Variants in SOBP observed in about 807,000 individuals in gnomAD.
The protein encoded by SOBP is sine oculis-binding protein homolog.
SOBP carries 4 observed loss-of-function variants against 53.6 expected under a neutral mutation model. That is an observed-to-expected ratio of 0.07 (90% CI 0.04 to 0.17). The LOEUF is 0.17. Among genes scored for constraint, SOBP ranks in the 10% least tolerant of loss-of-function variants. The probability of loss-of-function intolerance (pLI) is 1.00; values close to 1 mark genes in which losing one functional copy is unlikely to be tolerated. For missense variants in SOBP, 1,088 were observed against 1,204.7 expected (o/e 0.90, Z 1.43); for synonymous variants, 584 against 522.6 (o/e 1.12, Z -1.60).
intron 5 of SOBP, among the ~76,000 whole-genome samples, chr6:107,616,091 G>C (rs1469855024): frequency 1.3e-4 from 16 of 126,580 alleles, no homozygotes; most frequent in African/African-American, 4.8e-4. Context: ...GGGTGGGGGG[G>C]GGGCGGGGGG....
At chr6:107,502,132 T>C (rs1223994915) in intron 1 of SOBP, among the ~76,000 whole-genome samples, 3 of 152,194 alleles carry the variant, frequency 2.0e-5, no homozygotes, top group Admixed American at 6.5e-5. Context: ...GTAATGTCTT[T>C]TATTTTTTAT....
chr6:107,494,450 A>G lies in SOBP; in HGVS notation c.96+3738A>G, dbSNP rs555170717. Among the ~76,000 whole-genome samples the G allele has an allele frequency of 3.3e-5, 5 of 152,342 alleles. 1 individual carries two copies. In the East Asian group the frequency reaches 9.6e-4, roughly 29 times the overall value. ...TAAATATTGTTGCCCTTAAGGATAT[A>G]TATTTTGTGCACATAGATCTTTTGT... is the stretch of plus-strand genomic sequence containing the variant. On this transcript the variant is annotated intron_variant, in intron 1 of 6. Coordinates refer to ENST00000317357, the MANE Select transcript of SOBP (RefSeq NM_018013.4).
At chr6:107,551,993 C>T (rs891337073) in intron 4 of SOBP, among the ~76,000 whole-genome samples, 1 of 152,152 alleles carries the variant, frequency 6.6e-6, no homozygotes. Flanking sequence ...TGCACTCCAG[C>T]CTGGGCATCA....
intron 4 of SOBP, among the ~76,000 whole-genome samples, chr6:107,577,083 G>C (rs1331476663): frequency 6.6e-6 from 1 of 152,196 alleles, no homozygotes; most frequent in Non-Finnish European, 1.5e-5. Flanking sequence ...AGCAGTGAGA[G>C]ATGTGCACTG....
intron 5 of SOBP, among the ~76,000 whole-genome samples, chr6:107,597,537 A>G (rs1299379822): frequency 6.6e-6 from 1 of 152,222 alleles, no homozygotes. Flanking sequence ...GCATTACTGA[A>G]GTATTTATGA....
chr6:107,548,809 A>C (rs1017614750), intron 4 of SOBP, among the ~76,000 whole-genome samples: 3 of 152,100 alleles, frequency 2.0e-5, no homozygotes, highest in Non-Finnish European at 4.4e-5. Flanking sequence ...GTGATGGTGA[A>C]CACCTGTAGT....
chr6:107,535,884 C>A (rs1242344720), intron 4 of SOBP, among the ~76,000 whole-genome samples: 1 of 152,106 alleles, frequency 6.6e-6, no homozygotes, highest in Non-Finnish European at 1.5e-5. Context: ...TAATAAGCCC[C>A]TGGGTGTTCC....
At chr6:107,560,966 T>C (rs1784756805) in intron 4 of SOBP, among the ~76,000 whole-genome samples, 1 of 152,212 alleles carries the variant, frequency 6.6e-6, no homozygotes, top group Non-Finnish European at 1.5e-5. Flanking sequence ...TTGTCAATAA[T>C]ATACTCGCTT....
chr6:107,619,346 T>C (rs1010857253), intron 5 of SOBP, among the ~76,000 whole-genome samples: 1 of 152,248 alleles, frequency 6.6e-6, no homozygotes, highest in Non-Finnish European at 1.5e-5. Flanking sequence ...AGTTCTGTTT[T>C]TGAAAAGCTG....
Position 107,660,003 on chromosome 6 carries a change from A to G in SOBP, c.*1800A>G, listed in dbSNP as rs1164845399. ...TAAAAAATAATAACAAATCAACCCC[A>G]GCACCAAACCCACCCAGGCAGGAAG... On this transcript the variant is annotated 3_prime_UTR_variant, in exon 7 of 7. Coordinates refer to ENST00000317357, the MANE Select transcript of SOBP (RefSeq NM_018013.4). The G allele has an allele frequency of 1.3e-5, 2 of 152,574 alleles. No individual in the cohort carries two copies. Among genetic ancestry groups the G allele is most frequent in the Non-Finnish European group, 2.9e-5 (2 of 68,034 alleles). 9.5% of individuals were successfully genotyped at this position (152,574 alleles called of 1,614,324 possible).
chr6:107,531,993 A>G (rs1035512951), intron 3 of SOBP, among the ~76,000 whole-genome samples: 6 of 152,092 alleles, frequency 3.9e-5, no homozygotes, highest in Non-Finnish European at 7.4e-5. Context: ...CCTCAAACCA[A>G]ATCTTTTCCC....
chr6:107,609,375 AG>A (rs1221830529), intron 5 of SOBP, among the ~76,000 whole-genome samples: 1 of 152,148 alleles, frequency 6.6e-6, no homozygotes, highest in African/African-American at 2.4e-5. Context: ...AGGCTGTCAA[AG>A]GAGATAGGAT....
intron 5 of SOBP, among the ~76,000 whole-genome samples, chr6:107,623,638 T>C (rs1174296416): frequency 6.6e-6 from 1 of 152,182 alleles, no homozygotes; most frequent in Non-Finnish European, 1.5e-5. Flanking sequence ...CTTTGCTCTG[T>C]AAAAAATACA....
intron 5 of SOBP, among the ~76,000 whole-genome samples, chr6:107,601,360 G>T (rs1418890546): frequency 2.0e-5 from 3 of 152,282 alleles, no homozygotes; most frequent in East Asian, 3.9e-4. Flanking sequence ...GGCCTGGAAA[G>T]AATTTTCTCC....
intron 3 of SOBP, among the ~76,000 whole-genome samples, chr6:107,513,042 A>G (rs1371806834): frequency 3.9e-5 from 6 of 152,212 alleles, no homozygotes; most frequent in Non-Finnish European, 5.9e-5. Context: ...ACCTCAAATG[A>G]TAAGTGCCCT....
intron 5 of SOBP, among the ~76,000 whole-genome samples, chr6:107,607,319 A>G (rs763306521): frequency 8.5e-5 from 13 of 152,184 alleles, no homozygotes; most frequent in Non-Finnish European, 1.5e-4. Flanking sequence ...ACAGTAACTT[A>G]AAGGATCATG....
intron 5 of SOBP, among the ~76,000 whole-genome samples, chr6:107,624,470 T>C (rs557804270): frequency 3.0e-4 from 45 of 152,332 alleles, no homozygotes; most frequent in Middle Eastern, 3.4e-3. Flanking sequence ...TTTAATTTTT[T>C]CAAAGACTGA....
In SOBP at chr6:107,633,884, C is replaced by A. The variant is rs1165289189; in HGVS notation, c.1040C>A (p.Thr347Lys). The A allele has an allele frequency of 6.2e-7, 1 of 1,614,226 alleles. No individual in the cohort carries two copies. Among genetic ancestry groups the A allele is most frequent in the East Asian group, 2.2e-5 (1 of 44,872 alleles). Residue 347 changes from threonine to lysine, a missense_variant, in exon 6 of 7, where the codon ACG becomes AAG. By Grantham distance (78) the Thr-to-Lys change is moderately conservative (BLOSUM62 -1). This residue lies in a region of SOBP where 211 missense variants were observed against 258.9 expected (regional missense o/e 0.82). Coordinates refer to ENST00000317357, the MANE Select transcript of SOBP (RefSeq NM_018013.4). ...AACTGCTCTGTCACTAAAATCCCCA[C>A]GCCAGTGCCCAAGTCCATCCCCATC... ...TANCSVTKIP[T>K]PVPKSIPISE...
intron 6 of SOBP, among the ~76,000 whole-genome samples, chr6:107,648,141 A>G (rs1424681565): frequency 1.3e-5 from 2 of 152,184 alleles, no homozygotes; most frequent in East Asian, 1.9e-4. Flanking sequence ...TACTTGCCAC[A>G]TGAAGCTGCT....
Sources: gnomAD v4.1 joint callset for allele counts (sites outside exome capture counted in the v4.1 genomes callset) on GRCh38, gnomAD v4.1.1 for gene constraint, gnomAD v4.1.1 regional missense constraint, MANE v1.5 for transcripts, NCBI Gene and HGNC (gene_info 2026-07-23, HGNC 2026-07-21) for gene names.